The following SHQ1 variants were observed in gnomAD, a reference collection of about 807,000 sequenced individuals.
SHQ1 encodes the protein SHQ1, H/ACA ribonucleoprotein assembly factor.
A neutral mutation model predicts 53.8 loss-of-function variants in SHQ1; 49 were observed. The ratio of observed to expected loss-of-function variants is 0.91; its 90% confidence interval spans 0.72 to 1.16. The LOEUF (loss-of-function observed/expected upper bound fraction) is 1.16. Ranked by LOEUF, SHQ1 falls within the 50% of genes most tolerant of loss-of-function variation. The pLI, the probability that SHQ1 is intolerant of heterozygous loss-of-function variation, is 0.00. For missense variants in SHQ1, 738 were observed against 683.1 expected, an observed-to-expected ratio of 1.08 and a Z score of -0.90; for synonymous variants, 243 against 251.0, an observed-to-expected ratio of 0.97 and a Z score of 0.30.
At chr3:72,844,852 G>A (rs1708283505) in intron 1 of SHQ1, among the ~76,000 whole-genome samples, 1 of 152,138 alleles carries the variant, frequency 6.6e-6, no homozygotes, top group Non-Finnish European at 1.5e-5. Context: ...AAACTTGGCT[G>A]CATACACAAA....
intron 10 of SHQ1, among the ~76,000 whole-genome samples, chr3:72,765,557 A>ATATATATATATATATATTTT (rs1491527508): frequency 7.0e-5 from 4 of 57,178 alleles, no homozygotes; most frequent in African/African-American, 3.2e-4. Context: ...ATATATATAT[A>ATATATATATATATATATTTT]TTTTTTTTTT....
chr3:72,771,133 T>A (rs563863936), intron 10 of SHQ1, among the ~76,000 whole-genome samples: 1 of 152,324 alleles, frequency 6.6e-6, no homozygotes, highest in Non-Finnish European at 1.5e-5. Context: ...CATTTTACAT[T>A]CTACTCACTG....
chr3:72,814,980 C>CGT (rs143102448), intron 8 of SHQ1, among the ~76,000 whole-genome samples: 75 of 151,154 alleles, frequency 5.0e-4, no homozygotes, highest in Middle Eastern at 3.4e-3. Flanking sequence ...CATTATTTTT[C>CGT]GTGTGTGTGT....
intron 10 of SHQ1, among the ~76,000 whole-genome samples, chr3:72,783,490 G>A (rs1002368920): frequency 6.7e-6 from 1 of 148,716 alleles, no homozygotes; most frequent in African/African-American, 2.5e-5. Flanking sequence ...GCCCAGTTTT[G>A]CTTTGTTGAG....
At chr3:72,746,731 G>A (rs555447086), downstream of SHQ1, among the ~76,000 whole-genome samples, 33 of 152,296 alleles carry the variant, frequency 2.2e-4, no homozygotes, top group South Asian at 6.8e-3. Flanking sequence ...AGTAGATCCT[G>A]TCAAGATTCC....
chr3:72,756,158 C>T (rs113504946), intron 10 of SHQ1, among the ~76,000 whole-genome samples: 6 of 152,236 alleles, frequency 3.9e-5, no homozygotes, highest in African/African-American at 1.4e-4. Context: ...CTTGGCTTTC[C>T]CAGAGTTCTG....
rs766644668 is a variant in SHQ1, at chr3:72,817,186, C to T, written c.882+44G>A. 6 of 1,579,426 alleles carry T rather than the reference C, an allele frequency of 3.8e-6. No homozygotes were observed. In the South Asian group the frequency reaches 5.8e-5, roughly 15 times the overall value. On this transcript the variant is annotated intron_variant, in intron 7 of 10. Coordinates refer to ENST00000325599, the MANE Select transcript of SHQ1 (RefSeq NM_018130.3). ...GACTGATGCTTTAATGCAGTTTACT[C>T]AGCACAGTCATCTATGGCAACATGC...
At position 72,774,457 on chromosome 3, in the gene SHQ1, CA is replaced by C. The variant is rs1265405653; in HGVS notation, c.1181+18458del. On this transcript the variant is annotated intron_variant, in intron 10 of 10. Transcript: ENST00000325599. Reference sequence around the variant, plus strand: ...ATTCTAGACATAAAATTAATCTCAACAAATTTCTAAACAATGATATAATTCT... The same window carrying C: ...ATTCTAGACATAAAATTAATCTCAACAATTTCTAAACAATGATATAATTCT... Among the ~76,000 whole-genome samples the C allele has an allele frequency of 3.3e-5, 5 of 152,002 alleles. No individual in the cohort carries two copies. In the East Asian group the frequency reaches 9.6e-4, roughly 29 times the overall value.
At chr3:72,729,254 C>T in the SHQ1 span, among the ~76,000 whole-genome samples, 1 of 152,190 alleles carries the variant, frequency 6.6e-6, no homozygotes, top group Non-Finnish European at 1.5e-5. Flanking sequence ...AGGCTTTCCT[C>T]ACCTGGAGGT....
intron 10 of SHQ1, 32 bp downstream of exon 10, chr3:72,792,883 TA>T: frequency 1.3e-6 from 2 of 1,543,896 alleles, no homozygotes; most frequent in Non-Finnish European, 1.8e-6. Flanking sequence ...TGTGAACATC[TA>T]AAAATTCGTA....
At chr3:72,768,893 A>G (rs76669379) in intron 10 of SHQ1, among the ~76,000 whole-genome samples, 2,318 of 152,306 alleles carry the variant, frequency 0.015, 48 homozygotes, top group African/African-American at 0.051. Flanking sequence ...AATTGATTGC[A>G]CTATAATACG....
At chr3:72,787,715 C>A (rs186291920) in intron 10 of SHQ1, among the ~76,000 whole-genome samples, 138 of 152,102 alleles carry the variant, frequency 9.1e-4, no homozygotes, top group Non-Finnish European at 1.5e-3. Flanking sequence ...CCCTCTCCCC[C>A]TCCCCCTCCC....
At chr3:72,752,130 T>C (rs1436200977) in intron 10 of SHQ1, among the ~76,000 whole-genome samples, 2 of 152,184 alleles carry the variant, frequency 1.3e-5, no homozygotes, top group African/African-American at 2.4e-5. Flanking sequence ...TACAACGGAA[T>C]AGCCTACAGC....
At chr3:72,735,728 G>T in the SHQ1 span, among the ~76,000 whole-genome samples, 2 of 106,040 alleles carry the variant, frequency 1.9e-5, no homozygotes, top group African/African-American at 3.3e-5. Flanking sequence ...AAGGAAGGAA[G>T]GAAGGAAGGA....
intron 10 of SHQ1, chr3:72,753,503 A>G: frequency 1.0e-6 from 1 of 985,298 alleles, no homozygotes; most frequent in Non-Finnish European, 1.2e-6. Flanking sequence ...GCCTCTTCAC[A>G]TGTGTAATCA....
intron 4 of SHQ1, among the ~76,000 whole-genome samples, chr3:72,833,654 C>T (rs1031201140): frequency 2.0e-5 from 3 of 152,170 alleles, no homozygotes; most frequent in Non-Finnish European, 4.4e-5. Context: ...ATCAGTTTTC[C>T]TGTCATTGCC....
intron 10 of SHQ1, among the ~76,000 whole-genome samples, chr3:72,778,944 G>C (rs546210631): frequency 6.6e-6 from 1 of 152,078 alleles, no homozygotes; most frequent in Non-Finnish European, 1.5e-5. Flanking sequence ...AAATCCATTT[G>C]AGTTCCTAAA....
chr3:72,762,126 C>G (rs1705624197), intron 10 of SHQ1, among the ~76,000 whole-genome samples: 1 of 152,108 alleles, frequency 6.6e-6, no homozygotes, highest in Non-Finnish European at 1.5e-5. Context: ...CATACATCTG[C>G]CCACACACAT....
chr3:72,735,158 T>A, the SHQ1 span, among the ~76,000 whole-genome samples: 1 of 151,774 alleles, frequency 6.6e-6, no homozygotes, highest in Non-Finnish European at 1.5e-5. Context: ...TTTAGAGCCT[T>A]TCATAATCCT....
Sources: gnomAD v4.1 joint callset for allele counts (sites outside exome capture counted in the v4.1 genomes callset) on GRCh38, gnomAD v4.1.1 for gene constraint, MANE v1.5 for transcripts, NCBI Gene and HGNC (gene_info 2026-07-23, HGNC 2026-07-21) for gene names.